Variants in CPB1 observed in about 807,000 individuals in gnomAD.
CPB1 encodes carboxypeptidase B1.
A neutral mutation model predicts 51.4 loss-of-function variants in CPB1; 53 were observed. The ratio of observed to expected loss-of-function variants is 1.03; its 90% confidence interval spans 0.83 to 1.30. CPB1 has a LOEUF of 1.30. Among genes scored for constraint, CPB1 ranks in the 50% most tolerant of loss-of-function variants. The pLI, the probability that CPB1 is intolerant of heterozygous loss-of-function variation, is 0.00. For synonymous variants in CPB1, 189 were observed against 186.9 expected (o/e 1.01, Z -0.09); for missense variants, 494 against 516.2 (o/e 0.96, Z 0.42).
chr3:148,828,059 G>T lies in CPB1; in HGVS notation c.129G>T (p.Glu43Asp), dbSNP rs747564641. The stretch of plus-strand genomic sequence containing the variant: ...AAAATCACATTAACATAATCCGCGA[G>T]TTGGCCAGCACGACCCAGGTAAGTA... The part of the protein sequence containing the change: ...EDENHINIIR[E>D]LASTTQIDFW... The change falls in exon 2 of 11, where the codon GAG (glutamate) becomes GAT (aspartate). Residue 43 changes from glutamate (E) to aspartate (D), a missense_variant. Coordinates refer to ENST00000282957, the MANE Select transcript of CPB1 (RefSeq NM_001871.3). 1 of 1,613,920 alleles carries T rather than the reference G, an allele frequency of 6.2e-7. No homozygotes were observed. The highest frequency in any genetic ancestry group is 2.2e-5 in the East Asian group (1 of 44,864).
chr3:148,829,145 A>C (rs1332905336), intron 2 of CPB1, among the ~76,000 whole-genome samples: 1 of 152,206 alleles, frequency 6.6e-6, no homozygotes, highest in Admixed American at 6.5e-5. Context: ...AGCTGAGTCA[A>C]ATATCATGTT....
At chr3:148,829,484 T>C (rs953029885) in intron 2 of CPB1, among the ~76,000 whole-genome samples, 2 of 152,196 alleles carry the variant, frequency 1.3e-5, no homozygotes, top group Non-Finnish European at 2.9e-5. Flanking sequence ...TTTCCTCACA[T>C]GAATCACCCT....
intron 3 of CPB1, among the ~76,000 whole-genome samples, chr3:148,837,767 T>C (rs552405383): frequency 1.3e-5 from 2 of 152,084 alleles, no homozygotes; most frequent in East Asian, 3.9e-4. Context: ...CTGATGCTCT[T>C]TTGCAAGTTA....
At chr3:148,859,744 AG>A in intron 10 of CPB1, 70 bp from the exon 11 acceptor site, 1 of 1,460,308 alleles carries the variant, frequency 6.8e-7, no homozygotes, top group Non-Finnish European at 9.2e-7. Context: ...TAATGAAAAA[AG>A]AAACTGGCAA....
intron 3 of CPB1, 76 bp downstream of exon 3, chr3:148,834,698 A>G (rs1576567264): frequency 6.9e-7 from 1 of 1,449,662 alleles, no homozygotes; most frequent in East Asian, 2.3e-5. Flanking sequence ...AACTCTGGGA[A>G]GGAAGAAATG....
At chr3:148,855,898 T>C (rs373658788) in intron 9 of CPB1, 4 of 152,208 alleles carry the variant, frequency 2.6e-5, no homozygotes, top group East Asian at 1.9e-4. Context: ...CATGTTTACC[T>C]ACAAAAAGAA....
chr3:148,850,286 T>TTTTTG (rs1553767543), intron 9 of CPB1, among the ~76,000 whole-genome samples: 18 of 151,818 alleles, frequency 1.2e-4, no homozygotes, highest in Admixed American at 7.9e-4. Flanking sequence ...TTGAAGTTTT[T>TTTTTG]TTTGTTTGTT....
In CPB1 at chr3:148,845,553, T is replaced by C. The variant is rs1285027484; in HGVS notation, c.908T>C (p.Ile303Thr). ...KLSSIKAYLTIHSYSQMMIYP... is the reference protein window; with the variant it reads ...KLSSIKAYLTTHSYSQMMIYP... ...TCTTCCATCAAGGCATATCTGACAA[T>C]CCACTCGTACTCCCAAATGATGATC... Residue 303 changes from isoleucine to threonine, a missense_variant, in exon 9 of 11, where the codon ATC (isoleucine) becomes ACC (threonine). Physicochemically the swap from Ile to Thr is moderately conservative, Grantham distance 89. Coordinates refer to ENST00000282957, the MANE Select transcript of CPB1 (RefSeq NM_001871.3). 1 of 1,613,968 alleles carries C rather than the reference T, an allele frequency of 6.2e-7. No homozygotes were observed.
intron 9 of CPB1, chr3:148,855,090 G>C (rs1576574474): frequency 6.6e-6 from 1 of 152,228 alleles, no homozygotes; most frequent in Admixed American, 6.5e-5. Flanking sequence ...AATGTAGCCT[G>C]AGAGACAAGG....
At chr3:148,849,848 T>C (rs1047547572) in intron 9 of CPB1, among the ~76,000 whole-genome samples, 6 of 152,262 alleles carry the variant, frequency 3.9e-5, no homozygotes, top group Non-Finnish European at 7.3e-5. Flanking sequence ...GTAGTCAGGG[T>C]AGCCCTGGGT....
intron 2 of CPB1, among the ~76,000 whole-genome samples, chr3:148,831,995 A>AT (rs780704390): frequency 6.6e-6 from 1 of 152,158 alleles, no homozygotes; most frequent in East Asian, 1.9e-4. Flanking sequence ...TAACTCCAGT[A>AT]TAGTGGGTCT....
intron 2 of CPB1, among the ~76,000 whole-genome samples, chr3:148,830,160 C>T (rs1190159703): frequency 6.6e-6 from 1 of 152,158 alleles, no homozygotes; most frequent in Non-Finnish European, 1.5e-5. Context: ...AGAATCCATG[C>T]CAGGCCCCAG....
At chr3:148,830,027 T>C (rs1329288162) in intron 2 of CPB1, among the ~76,000 whole-genome samples, 1 of 152,136 alleles carries the variant, frequency 6.6e-6, no homozygotes, top group Non-Finnish European at 1.5e-5. Context: ...CATCCAAAAC[T>C]AAGGTGAATT....
chr3:148,836,239 G>A (rs760700772), intron 3 of CPB1, among the ~76,000 whole-genome samples: 4 of 151,750 alleles, frequency 2.6e-5, no homozygotes, highest in Non-Finnish European at 5.9e-5. Flanking sequence ...TGTGCTTTCT[G>A]CCTGAAGGAA....
At chr3:148,856,117 G>A (rs778486639) in intron 9 of CPB1, 43 of 152,204 alleles carry the variant, frequency 2.8e-4, no homozygotes, top group Admixed American at 1.1e-3. Flanking sequence ...AAGATTTCAT[G>A]CAGTTAGAGA....
chr3:148,856,419 A>G (rs1576574847), intron 9 of CPB1: 1 of 152,260 alleles, frequency 6.6e-6, no homozygotes, highest in East Asian at 1.9e-4. Context: ...CATTAGAATA[A>G]GGAAAGGAAA....
chr3:148,836,158 G>A (rs1030509830), intron 3 of CPB1, among the ~76,000 whole-genome samples: 13 of 145,802 alleles, frequency 8.9e-5, no homozygotes, highest in South Asian at 2.2e-4. Flanking sequence ...GAGATTATAC[G>A]TTTTTTTTTT....
intron 2 of CPB1, among the ~76,000 whole-genome samples, chr3:148,832,001 G>T (rs9870271): frequency 6.6e-6 from 1 of 151,898 alleles, no homozygotes; most frequent in Admixed American, 6.6e-5. Flanking sequence ...CAGTATAGTG[G>T]GTCTGTGTCA....
intron 9 of CPB1, among the ~76,000 whole-genome samples, chr3:148,850,357 A>G (rs1422596145): frequency 1.3e-5 from 2 of 152,058 alleles, no homozygotes; most frequent in Admixed American, 1.3e-4. Context: ...GCTGGAGTGC[A>G]GTGGTGCAAT....
Sources: gnomAD v4.1 joint callset for allele counts (sites outside exome capture counted in the v4.1 genomes callset) on GRCh38, gnomAD v4.1.1 for gene constraint, MANE v1.5 for transcripts, NCBI Gene and HGNC (gene_info 2026-07-23, HGNC 2026-07-21) for gene names.